The following PCNX1 variants were observed in gnomAD, a reference collection of about 807,000 sequenced individuals.
PCNX1 encodes the protein pecanex 1, also known as pecanex-like protein 1.
PCNX1 carries 78 observed loss-of-function variants against 242.2 expected under a neutral mutation model. That is an observed-to-expected ratio of 0.32 (90% CI 0.27 to 0.39). The LOEUF is 0.39. Among genes scored for constraint, PCNX1 ranks in the 10% least tolerant of loss-of-function variants. The pLI is 1.00. For synonymous variants in PCNX1, 1,024 were observed against 1,032.9 expected, an observed-to-expected ratio of 0.99 and a Z score of 0.17; for missense variants, 2,581 against 2,856.5, an observed-to-expected ratio of 0.90 and a Z score of 2.20.
At chr14:71,055,649 A>T in intron 25 of PCNX1, 87 bp downstream of exon 25, 6 of 719,168 alleles carry the variant, frequency 8.3e-6, no homozygotes, top group Non-Finnish European at 1.2e-5. Flanking sequence ...CTTGTTGGGA[A>T]TCCTCTATGA....
intron 2 of PCNX1, among the ~76,000 whole-genome samples, chr14:70,949,100 A>G (rs1595000573): frequency 6.8e-6 from 1 of 147,138 alleles, no homozygotes; most frequent in Non-Finnish European, 1.5e-5. Context: ...ATATATACAT[A>G]CATGTATATA....
At chr14:71,100,959 A>G (rs1445421052) in intron 30 of PCNX1, among the ~76,000 whole-genome samples, 2 of 152,208 alleles carry the variant, frequency 1.3e-5, no homozygotes, top group East Asian at 1.9e-4. Flanking sequence ...AACTCAACCT[A>G]CTTGACAAGA....
intron 1 of PCNX1, among the ~76,000 whole-genome samples, chr14:70,935,492 T>G (rs1457154034): frequency 6.6e-6 from 1 of 152,152 alleles, no homozygotes; most frequent in African/African-American, 2.4e-5. Flanking sequence ...GGGAGAGAGT[T>G]TATTTAGGTG....
chr14:70,975,723 G>T (rs2058670007), intron 5 of PCNX1, among the ~76,000 whole-genome samples: 1 of 151,854 alleles, frequency 6.6e-6, no homozygotes, highest in South Asian at 2.1e-4. Flanking sequence ...TTTGCAGTTT[G>T]GTTGTCAAGC....
intron 2 of PCNX1, among the ~76,000 whole-genome samples, chr14:70,960,508 GACGTATCTCAAAATA>G (rs1383250068): frequency 6.6e-6 from 1 of 152,070 alleles, no homozygotes; most frequent in Non-Finnish European, 1.5e-5. Context: ...GTATCGATGG[GACGTATCTCAAAATA>G]ATAAGAGCTA....
Position 71,036,167 on chromosome 14 carries a change from C to A in PCNX1, c.3867+10C>A, listed in dbSNP as rs1229698376. 4.6e-6 allele frequency: 7 copies of A among 1,507,666 alleles called. No homozygotes were observed. Among genetic ancestry groups the A allele is most frequent in the Non-Finnish European group, 6.5e-6 (7 of 1,083,326 alleles). The allele number at this position is 1,507,666 out of a possible 1,614,324, so 93.4% of individuals were successfully genotyped here. A position where few individuals can be genotyped will look rare whatever the true frequency, so the allele number is the denominator to read the frequency against. On this transcript the variant is annotated intron_variant, in intron 19 of 35. Coordinates refer to ENST00000304743, the MANE Select transcript of PCNX1 (RefSeq NM_014982.3). ...CTTCACAGTATTGCAGGTAAGGAAT[C>A]ATTTTCTCCTTTTATTTGTTTGTTT...
intron 32 of PCNX1, among the ~76,000 whole-genome samples, chr14:71,104,977 A>G (rs936480796): frequency 2.0e-5 from 3 of 152,196 alleles, no homozygotes; most frequent in Admixed American, 6.5e-5. Context: ...ACTGAGTTAT[A>G]TACAGTTCTT....
At chr14:71,091,583 T>G (rs2141680159) in intron 30 of PCNX1, among the ~76,000 whole-genome samples, 1 of 152,294 alleles carries the variant, frequency 6.6e-6, no homozygotes, top group East Asian at 1.9e-4. Flanking sequence ...TAAGACAAAC[T>G]TAGGTATGTC....
chr14:70,954,287 A>T (rs560473107), intron 2 of PCNX1, among the ~76,000 whole-genome samples: 45 of 152,110 alleles, frequency 3.0e-4, no homozygotes, highest in Non-Finnish European at 5.4e-4. Context: ...TGCCTGTGCC[A>T]TTACCATACC....
At chr14:71,104,989 A>G (rs2062571022) in intron 32 of PCNX1, among the ~76,000 whole-genome samples, 1 of 152,180 alleles carries the variant, frequency 6.6e-6, no homozygotes, top group Non-Finnish European at 1.5e-5. Context: ...ACAGTTCTTT[A>G]TTATGGTGCA....
chr14:70,987,934 G>T (rs2059047314), intron 6 of PCNX1, among the ~76,000 whole-genome samples: 1 of 152,186 alleles, frequency 6.6e-6, no homozygotes, highest in Admixed American at 6.5e-5. Flanking sequence ...AGAGCCAGGG[G>T]CATGGAGTTG....
intron 26 of PCNX1, among the ~76,000 whole-genome samples, chr14:71,065,024 G>A (rs2061414209): frequency 6.6e-6 from 1 of 152,136 alleles, no homozygotes; most frequent in Non-Finnish European, 1.5e-5. Flanking sequence ...ATCATTGATG[G>A]GCATTTGTGT....
At chr14:71,000,482 A>C (rs1442855325) in intron 8 of PCNX1, among the ~76,000 whole-genome samples, 1 of 149,894 alleles carries the variant, frequency 6.7e-6, no homozygotes, top group East Asian at 1.9e-4. Flanking sequence ...TGCTTTTTTC[A>C]CTTAGCAGTC....
At chr14:71,028,829 T>C in intron 16 of PCNX1, 38 bp downstream of exon 16, 3 of 1,182,746 alleles carry the variant, frequency 2.5e-6, no homozygotes, top group South Asian at 1.4e-5. Context: ...TCTTTAAGGC[T>C]ATATTTCTAT....
chr14:71,047,587 C>A (rs1002022212), intron 21 of PCNX1, among the ~76,000 whole-genome samples: 9 of 152,076 alleles, frequency 5.9e-5, no homozygotes, highest in Middle Eastern at 3.4e-3. Context: ...AAAACATAGT[C>A]CTTCATATAA....
At chr14:70,934,291 C>A (rs1279081369) in intron 1 of PCNX1, among the ~76,000 whole-genome samples, 2 of 152,154 alleles carry the variant, frequency 1.3e-5, no homozygotes, top group African/African-American at 4.8e-5. Flanking sequence ...TTTAAGAAGA[C>A]TAAACTGTGG....
chr14:71,020,353 G>A (rs990245811), intron 12 of PCNX1, among the ~76,000 whole-genome samples: 4 of 152,134 alleles, frequency 2.6e-5, no homozygotes, highest in South Asian at 2.1e-4. Context: ...TTGAGGAATC[G>A]CCACACTGTC....
In PCNX1 at chr14:70,977,752, C is replaced by T. The variant is rs781694212; in HGVS notation, c.1415C>T (p.Pro472Leu). 8.7e-6 allele frequency: 14 copies of T among 1,613,936 alleles called. No homozygotes were observed. Among genetic ancestry groups the T allele is most frequent in the Middle Eastern group, 3.3e-4 (2 of 6,084 alleles). Residue 472 changes from proline (P) to leucine (L), a missense_variant, in exon 6 of 36, where the codon CCC (proline) becomes CTC (leucine). This residue lies in a region of PCNX1 where 1,204 missense variants were observed against 1,216.7 expected (regional missense o/e 0.99). Coordinates refer to ENST00000304743, the MANE Select transcript of PCNX1 (RefSeq NM_014982.3). ...SGVHEAKDPT[P>L]SDEMHNQRGL... The stretch of plus-strand genomic sequence containing the variant: ...GTTCACGAGGCCAAGGACCCCACCC[C>T]CTCTGATGAGATGCACAACCAGAGA...
At chr14:70,965,808 A>C (rs944699756) in intron 3 of PCNX1, among the ~76,000 whole-genome samples, 1 of 152,272 alleles carries the variant, frequency 6.6e-6, no homozygotes, top group African/African-American at 2.4e-5. Context: ...CTTGCCTGAT[A>C]TGCTCTCTAG....
Sources: allele counts gnomAD v4.1 joint callset (sites outside exome capture counted in the v4.1 genomes callset), GRCh38; gene constraint gnomAD v4.1.1; regional missense constraint gnomAD v4.1.1; transcripts MANE v1.5; gene names NCBI Gene and HGNC (gene_info 2026-07-23, HGNC 2026-07-21).